The following MAPK6 variants were observed in gnomAD, a reference collection of about 807,000 sequenced individuals.
MAPK6 encodes the protein mitogen-activated protein kinase 6.
MAPK6 carries 19 observed loss-of-function variants against 59.3 expected under a neutral mutation model. That is an observed-to-expected ratio of 0.32 (90% CI 0.22 to 0.47). The LOEUF (loss-of-function observed/expected upper bound fraction) is 0.47, where lower values mean the gene tolerates loss of function less well. MAPK6 is among the 20% of genes least tolerant of loss of function. MAPK6 has a pLI of 1.00. For synonymous variants in MAPK6, 316 were observed against 290.3 expected (o/e 1.09, Z -0.90); for missense variants, 724 against 847.9 (o/e 0.85, Z 1.81).
At chr15:51,977,379 C>T (rs1331377941) in intron 1 of MAPK6, among the ~76,000 whole-genome samples, 1 of 151,748 alleles carries the variant, frequency 6.6e-6, no homozygotes, top group Non-Finnish European at 1.5e-5. Flanking sequence ...AGGAAACTAG[C>T]CTCTATGTAT....
rs1566917038 is a variant in MAPK6, at chr15:52,065,076, AT to A, written c.*82del. 8.9e-6 allele frequency: 12 copies of A among 1,355,778 alleles called. No individual in the cohort carries two copies. Among genetic ancestry groups the A allele is most frequent in the Non-Finnish European group, 1.1e-5 (11 of 1,009,446 alleles). The allele number at this position is 1,355,778 out of a possible 1,614,324, so 84.0% of individuals were successfully genotyped here. A position where few individuals can be genotyped will look rare whatever the true frequency, so the allele number is the denominator to read the frequency against. On this transcript the variant is annotated 3_prime_UTR_variant, in exon 6 of 6. Coordinates refer to ENST00000261845, the MANE Select transcript of MAPK6 (RefSeq NM_002748.4). ...TTTTTTTATTACTAGTGTTTAAGTC[AT>A]TTTTTACTTGAATCAGATGGTGTCA...
intron 1 of MAPK6, among the ~76,000 whole-genome samples, chr15:51,975,857 A>G (rs2057155706): frequency 6.6e-6 from 1 of 151,916 alleles, no homozygotes; most frequent in Non-Finnish European, 1.5e-5. Flanking sequence ...TGGAAGACAC[A>G]TGATATTCAC....
At chr15:52,060,892 T>G (rs572930695) in intron 4 of MAPK6, among the ~76,000 whole-genome samples, 22 of 152,336 alleles carry the variant, frequency 1.4e-4, no homozygotes, top group African/African-American at 5.3e-4. Context: ...TATCTATGTC[T>G]ACTTTATGCA....
At chr15:51,992,291 C>CTA (rs1555395395) in intron 2 of MAPK6, among the ~76,000 whole-genome samples, 1,526 of 108,264 alleles carry the variant, frequency 0.014, 36 homozygotes, top group South Asian at 0.12. Flanking sequence ...ATCTATCTAT[C>CTA]TATATATATA....
Position 52,036,402 on chromosome 15 carries a change from C to G in MAPK6, c.-631-9428C>G, listed in dbSNP as rs374661758. 2.6e-5 allele frequency among the ~76,000 whole-genome samples: 4 copies of G among 152,262 alleles called. No homozygotes were observed. In the East Asian group the frequency reaches 5.8e-4, roughly 22 times the overall value. ...ATAAAGAAGAGAAATTTATTTCTTA[C>G]AGTTCTGGAGGCTTGGCAGTCTGAT... On this transcript the variant is annotated intron_variant, in intron 1 of 5. Transcript: ENST00000261845.
At chr15:52,038,247 C>T (rs777512989) in intron 1 of MAPK6, among the ~76,000 whole-genome samples, 4 of 151,228 alleles carry the variant, frequency 2.6e-5, no homozygotes, top group Non-Finnish European at 2.9e-5. Flanking sequence ...TTGAATGAAA[C>T]GTAATGGATG....
At chr15:51,976,989 C>T (rs1359780138) in intron 1 of MAPK6, among the ~76,000 whole-genome samples, 2 of 151,372 alleles carry the variant, frequency 1.3e-5, no homozygotes, top group African/African-American at 4.8e-5. Flanking sequence ...AATTATCCAT[C>T]CTAGAATTAT....
chr15:52,020,749 G>A (rs2141846896), intron 1 of MAPK6, among the ~76,000 whole-genome samples: 1 of 152,320 alleles, frequency 6.6e-6, no homozygotes, highest in Non-Finnish European at 1.5e-5. Context: ...TGGGTGAAAG[G>A]AACTTTGTCT....
At chr15:52,001,509 C>CTTTTTT (rs71130114) in intron 2 of MAPK6, among the ~76,000 whole-genome samples, 12 of 128,068 alleles carry the variant, frequency 9.4e-5, no homozygotes, top group Non-Finnish European at 1.4e-4. Flanking sequence ...CTTTTCCTTT[C>CTTTTTT]TTTTTTTTTT....
intron 3 of MAPK6, among the ~76,000 whole-genome samples, chr15:52,053,152 A>AACCACTGCC (rs1422545634): frequency 6.8e-6 from 1 of 147,762 alleles, no homozygotes; most frequent in Non-Finnish European, 1.5e-5. Context: ...GGCTCACTGC[A>AACCACTGCC]ACCACTGCCA....
At position 52,065,665 on chromosome 15, in the gene MAPK6, T is replaced by C. The variant is rs546785428; in HGVS notation, c.*665T>C. The C allele has an allele frequency of 6.5e-5, 10 of 152,764 alleles. No individual in the cohort carries two copies. Among genetic ancestry groups the C allele is most frequent in the Admixed American group, 3.3e-4 (5 of 15,306 alleles). 9.5% of individuals were successfully genotyped at this position (152,764 alleles called of 1,614,324 possible). A position where few individuals can be genotyped will look rare whatever the true frequency, so the allele number is the denominator to read the frequency against. On this transcript the variant is annotated 3_prime_UTR_variant, in exon 6 of 6. Coordinates refer to ENST00000261845, the MANE Select transcript of MAPK6 (RefSeq NM_002748.4). The stretch of plus-strand genomic sequence containing the variant: ...TGAAGTGTTAATACATCACATCTTA[T>C]TTATTTTAGCAAATCAGTATATTTT...
At chr15:52,043,827 C>T (rs1398747717) in intron 1 of MAPK6, among the ~76,000 whole-genome samples, 3 of 125,324 alleles carry the variant, frequency 2.4e-5, no homozygotes, top group Middle Eastern at 6.2e-3. Flanking sequence ...GGCAGGATCT[C>T]GGCTCACTGC....
chr15:52,011,196 G>A (rs558434926), intron 3 of MAPK6: 36 of 152,240 alleles, frequency 2.4e-4, no homozygotes, highest in African/African-American at 8.2e-4. Context: ...TACTGTAAAC[G>A]AGTGTCCTTT....
rs561839182 is a variant in MAPK6 at position 51,981,606 on chromosome 15, T to C, written c.-879-1600T>C. Among the ~76,000 whole-genome samples, 7 of 152,318 alleles carry C rather than the reference T, an allele frequency of 4.6e-5. No individual in the cohort carries two copies. In the South Asian group the frequency reaches 1.0e-3, roughly 23 times the overall value. On this transcript the variant is annotated intron_variant, in intron 1 of 7. Coordinates refer to the MAPK6 transcript ENST00000691380. ...TTGTCCTTTTGGAACCTTTTAAATA[T>C]AGGGTTGGGTTTAGGAACCCGCTTC...
chr15:51,981,915 A>G (rs2057174728), intron 1 of MAPK6, among the ~76,000 whole-genome samples: 1 of 152,210 alleles, frequency 6.6e-6, no homozygotes, highest in East Asian at 1.9e-4. Flanking sequence ...GGACGGAAAA[A>G]AATAGATTAA....
At chr15:52,051,684 G>A (rs1244431074) in intron 3 of MAPK6, among the ~76,000 whole-genome samples, 2 of 151,870 alleles carry the variant, frequency 1.3e-5, no homozygotes, top group Non-Finnish European at 2.9e-5. Flanking sequence ...GACCAGGCTT[G>A]CCAACATGGT....
chr15:52,001,022 T>G (rs1476114652), intron 2 of MAPK6, among the ~76,000 whole-genome samples: 1 of 152,096 alleles, frequency 6.6e-6, no homozygotes, highest in African/African-American at 2.4e-5. Flanking sequence ...ATGTGTCTTC[T>G]CCAAAATTCA....
chr15:51,991,146 TATAC>T (rs1467112126), intron 2 of MAPK6, among the ~76,000 whole-genome samples: 1,763 of 120,372 alleles, frequency 0.015, 36 homozygotes, highest in African/African-American at 0.057. Context: ...AATATATATA[TATAC>T]ACACACACAC....
chr15:52,011,185 G>A (rs538343744), intron 3 of MAPK6: 81 of 152,194 alleles, frequency 5.3e-4, no homozygotes, highest in African/African-American at 1.7e-3. Flanking sequence ...TTCAACTCTC[G>A]TACTGTAAAC....
Sources: gnomAD v4.1 joint callset for allele counts (sites outside exome capture counted in the v4.1 genomes callset) on GRCh38, gnomAD v4.1.1 for gene constraint, MANE v1.5 for transcripts, NCBI Gene and HGNC (gene_info 2026-07-23, HGNC 2026-07-21) for gene names.